The following CA10 variants were observed in gnomAD, a reference collection of about 807,000 sequenced individuals.
The protein encoded by CA10 is carbonic anhydrase-related protein 10.
A neutral mutation model predicts 44.2 loss-of-function variants in CA10; 14 were observed. That is an observed-to-expected ratio of 0.32 (90% CI 0.21 to 0.50). The LOEUF is 0.50. CA10 is among the 20% of genes least tolerant of loss of function. CA10 has a pLI of 0.99. For missense variants in CA10, 350 were observed against 409.7 expected, an observed-to-expected ratio of 0.85 and a Z score of 1.26; for synonymous variants, 159 against 141.6, an observed-to-expected ratio of 1.12 and a Z score of -0.87.
At chr17:52,035,818 C>T (rs1392724454) in intron 2 of CA10, among the ~76,000 whole-genome samples, 1 of 152,240 alleles carries the variant, frequency 6.6e-6, no homozygotes, top group African/African-American at 2.4e-5. Flanking sequence ...GTAAATGAGG[C>T]ATTCCTGTTG....
intron 3 of CA10, among the ~76,000 whole-genome samples, chr17:51,884,172 C>T (rs542148662): frequency 1.3e-5 from 2 of 152,248 alleles, no homozygotes; most frequent in African/African-American, 4.8e-5. Flanking sequence ...ACACAGCCAC[C>T]CTTTCCCTGG....
intron 3 of CA10, among the ~76,000 whole-genome samples, chr17:51,772,816 T>C (rs962945112): frequency 7.9e-5 from 12 of 152,132 alleles, no homozygotes; most frequent in African/African-American, 2.9e-4. Flanking sequence ...CAAAATGAAA[T>C]GGAATTTTAA....
At chr17:51,815,062 G>C (rs985894263) in intron 3 of CA10, among the ~76,000 whole-genome samples, 2 of 152,060 alleles carry the variant, frequency 1.3e-5, no homozygotes, top group Admixed American at 1.3e-4. Context: ...CCAACAATTA[G>C]GTAAAGAGAC....
chr17:51,715,374 A>G (rs1916072779), intron 4 of CA10, among the ~76,000 whole-genome samples: 2 of 152,178 alleles, frequency 1.3e-5, no homozygotes, highest in South Asian at 4.1e-4. Flanking sequence ...AAAATTTAAA[A>G]AAAACCAAAA....
chr17:51,849,220 CATATATGTGTGTGTATATATATAT>C (rs1978663494), intron 3 of CA10, among the ~76,000 whole-genome samples: 1 of 20,724 alleles, frequency 4.8e-5, no homozygotes, highest in African/African-American at 2.3e-4. Context: ...TATATATATA[CATATATGTGTGTGTATATATATAT>C]ATATATATAT....
chr17:51,807,919 G>C lies in CA10; in HGVS notation c.280-60101C>G, dbSNP rs1474743655. Among the ~76,000 whole-genome samples, 3 of 152,290 alleles carry C rather than the reference G, an allele frequency of 2.0e-5. No individual in the cohort carries two copies. The East Asian group carries it at 5.8e-4, about 29-fold the overall frequency. ...TGTTCTGTGTCTGGATCTGGTGGAG[G>C]TAACATAGGGGTATCAACATGGATA... On this transcript the variant is annotated intron_variant, in intron 3 of 8. Coordinates refer to ENST00000451037, the MANE Select transcript of CA10 (RefSeq NM_020178.5).
At chr17:51,994,190 T>C (rs1279566248) in intron 2 of CA10, among the ~76,000 whole-genome samples, 1 of 152,006 alleles carries the variant, frequency 6.6e-6, no homozygotes, top group Non-Finnish European at 1.5e-5. Flanking sequence ...GTGTATTCAA[T>C]TGCATGTAGC....
At chr17:52,010,292 T>C (rs1985743654) in intron 2 of CA10, among the ~76,000 whole-genome samples, 1 of 151,976 alleles carries the variant, frequency 6.6e-6, no homozygotes, top group Admixed American at 6.6e-5. Flanking sequence ...AAAAAGATAC[T>C]TGTGCACACA....
intron 5 of CA10, among the ~76,000 whole-genome samples, chr17:51,651,823 G>A (rs933300059): frequency 7.2e-5 from 11 of 152,200 alleles, no homozygotes; most frequent in African/African-American, 1.7e-4. Flanking sequence ...AATTGCTGGG[G>A]CAGGCAGGAT....
chr17:51,990,608 A>G (rs1985006652), intron 2 of CA10, among the ~76,000 whole-genome samples: 1 of 152,116 alleles, frequency 6.6e-6, no homozygotes, highest in South Asian at 2.1e-4. Context: ...TTGTACATCA[A>G]TTAGTGATCC....
intron 3 of CA10, among the ~76,000 whole-genome samples, chr17:51,890,958 C>T (rs1567874981): frequency 6.6e-6 from 1 of 152,072 alleles, no homozygotes; most frequent in African/African-American, 2.4e-5. Flanking sequence ...CAAACAAGGC[C>T]ATATCTCCTC....
chr17:51,865,170 ACTC>A (rs1440104795), intron 3 of CA10, among the ~76,000 whole-genome samples: 3 of 151,750 alleles, frequency 2.0e-5, no homozygotes, highest in African/African-American at 7.3e-5. Flanking sequence ...GCACCCTGAC[ACTC>A]CTCATCTCAC....
intron 2 of CA10, among the ~76,000 whole-genome samples, chr17:51,972,122 T>G (rs1172311982): frequency 6.6e-6 from 1 of 151,814 alleles, no homozygotes; most frequent in Non-Finnish European, 1.5e-5. Flanking sequence ...GATATGTGAG[T>G]TATATAAGGG....
intron 1 of CA10, among the ~76,000 whole-genome samples, chr17:52,116,593 T>G (rs935513323): frequency 1.3e-5 from 2 of 152,144 alleles, no homozygotes; most frequent in Non-Finnish European, 2.9e-5. Flanking sequence ...GGAAAAAGGA[T>G]GCTTTTTCCT....
chr17:51,737,326 C>T (rs1916945127), intron 4 of CA10, among the ~76,000 whole-genome samples: 3 of 152,068 alleles, frequency 2.0e-5, no homozygotes, highest in South Asian at 4.1e-4. Context: ...AGTACATGCT[C>T]AATAAATTAC....
intron 2 of CA10, among the ~76,000 whole-genome samples, chr17:52,068,886 G>T (rs1024412386): frequency 6.6e-6 from 1 of 152,158 alleles, no homozygotes; most frequent in African/African-American, 2.4e-5. Context: ...CTGAGAAAGA[G>T]AATCAACAGA....
chr17:51,687,405 G>C (rs1157373195), intron 4 of CA10, among the ~76,000 whole-genome samples: 2 of 152,090 alleles, frequency 1.3e-5, no homozygotes, highest in Non-Finnish European at 2.9e-5. Flanking sequence ...CACGAAACAG[G>C]GACCTAGTCT....
intron 3 of CA10, among the ~76,000 whole-genome samples, chr17:51,916,472 G>A (rs182481085): frequency 1.3e-5 from 2 of 152,236 alleles, no homozygotes; most frequent in African/African-American, 4.8e-5. Flanking sequence ...ACGGGAATGG[G>A]TCTTTCCCAT....
intron 2 of CA10, among the ~76,000 whole-genome samples, chr17:52,069,726 C>T (rs369254742): frequency 2.6e-5 from 4 of 152,292 alleles, no homozygotes; most frequent in East Asian, 3.9e-4. Flanking sequence ...GGGGCATTTG[C>T]GTGCTGAATT....
Sources: allele counts gnomAD v4.1 joint callset (sites outside exome capture counted in the v4.1 genomes callset), GRCh38; gene constraint gnomAD v4.1.1; transcripts MANE v1.5; gene names NCBI Gene and HGNC (gene_info 2026-07-23, HGNC 2026-07-21).